The following TBC1D21 variants were observed in gnomAD, a reference collection of about 807,000 sequenced individuals.
The protein encoded by TBC1D21 is male germ cell Rab GTPase-activating protein.
TBC1D21 carries 38 observed loss-of-function variants against 46.0 expected under a neutral mutation model. That is an observed-to-expected ratio of 0.83 (90% CI 0.64 to 1.08). The LOEUF (loss-of-function observed/expected upper bound fraction) is 1.08. Ranked by LOEUF, TBC1D21 falls within the 50% of genes least tolerant of loss-of-function variation. The pLI is 0.00. For missense variants in TBC1D21, 415 were observed against 417.9 expected (o/e 0.99, Z 0.06); for synonymous variants, 151 against 157.2 (o/e 0.96, Z 0.29).
chr15:73,879,244 G>A (rs2068112385), intron 1 of TBC1D21, among the ~76,000 whole-genome samples: 1 of 152,144 alleles, frequency 6.6e-6, no homozygotes, highest in African/African-American at 2.4e-5. Context: ...GCCTTGCTCT[G>A]TCACCCAGGC....
At chr15:73,904,256 G>A in the TBC1D21 span, among the ~76,000 whole-genome samples, 2 of 152,076 alleles carry the variant, frequency 1.3e-5, no homozygotes, top group African/African-American at 4.8e-5. Flanking sequence ...GCCCAAAGTC[G>A]AGCTCTATAA....
At chr15:73,887,770 C>A (rs2068277199) in intron 9 of TBC1D21, 34 bp downstream of exon 9, 2 of 1,577,942 alleles carry the variant, frequency 1.3e-6, no homozygotes, top group African/African-American at 1.3e-5. Flanking sequence ...ACCACCCCTG[C>A]TCCTGGAGGC....
At chr15:73,899,358 A>T in the TBC1D21 span, among the ~76,000 whole-genome samples, 1 of 152,194 alleles carries the variant, frequency 6.6e-6, no homozygotes, top group East Asian at 1.9e-4. Flanking sequence ...TCTAGAGGAC[A>T]GAAGAAGGTT....
rs1351716854 is a variant in TBC1D21, at chr15:73,883,548, C to T, written c.273-603C>T. Among the ~76,000 whole-genome samples, 8 of 152,190 alleles carry T rather than the reference C, an allele frequency of 5.3e-5. No individual in the cohort carries two copies. In the East Asian group the frequency reaches 1.5e-3, roughly 29 times the overall value. Reference sequence around the variant, plus strand: ...CTGCTTTCTGTGTGTTATAAGAACACATGTCATTGGATTTGGGGTCCACCT... The same window carrying T: ...CTGCTTTCTGTGTGTTATAAGAACATATGTCATTGGATTTGGGGTCCACCT... On this transcript the variant is annotated intron_variant, in intron 3 of 10. Transcript: ENST00000300504.
At position 73,884,877 on chromosome 15, in the gene TBC1D21, GCAA is replaced by G. The variant is rs760372542; in HGVS notation, c.467_469del (p.Asn156del). On this transcript the variant is annotated inframe_deletion, in exon 5 of 11. Coordinates refer to ENST00000300504, the MANE Select transcript of TBC1D21 (RefSeq NM_153356.3). Reference sequence around the variant, plus strand: ...AAGATCCTGCTCCTGAGTTACGTCTGCAACACGCAGGCAGGTGAGCCTCAGCCT... The same window carrying G: ...AAGATCCTGCTCCTGAGTTACGTCTGCACGCAGGCAGGTGAGCCTCAGCCT... 1.9e-6 allele frequency: 3 copies of G among 1,613,898 alleles called. No individual in the cohort carries two copies. The highest frequency in any genetic ancestry group is 2.5e-6 in the Non-Finnish European group (3 of 1,179,938).
chr15:73,874,826 A>G (rs184098896), intron 1 of TBC1D21, among the ~76,000 whole-genome samples: 1 of 152,276 alleles, frequency 6.6e-6, no homozygotes, highest in East Asian at 1.9e-4. Context: ...ACTGTTTTAA[A>G]CCATTTTCTT....
chr15:73,904,546 A>G, the TBC1D21 span, among the ~76,000 whole-genome samples: 2 of 152,172 alleles, frequency 1.3e-5, no homozygotes, highest in African/African-American at 2.4e-5. Context: ...CCCTCCCGCC[A>G]TGTGCCATAA....
chr15:73,881,497 C>T lies in TBC1D21; in HGVS notation c.159C>T (p.Ile53=), dbSNP rs1178291078. The T allele has an allele frequency of 3.7e-6, 6 of 1,614,096 alleles. No homozygotes were observed. Among genetic ancestry groups the T allele is most frequent in the South Asian group, 1.1e-5 (1 of 91,082 alleles). ...CACGGGACTTCATTTGTGTTAACATCCTGGAAAGGGTGGGTCCCCAAGCTA... is the reference window on the plus strand; with the variant it reads ...CACGGGACTTCATTTGTGTTAACATTCTGGAAAGGGTGGGTCCCCAAGCTA... ...AKSRDFICVN[I]LERGLHPFVR... Residue 53 remains isoleucine, a synonymous_variant, in exon 2 of 11, where the codon ATC becomes ATT. Transcript: ENST00000300504.
intron 3 of TBC1D21, among the ~76,000 whole-genome samples, chr15:73,882,111 GC>G (rs1398006955): frequency 6.6e-6 from 1 of 151,696 alleles, no homozygotes; most frequent in Non-Finnish European, 1.5e-5. Flanking sequence ...CCTCCTCCCT[GC>G]CCCCCATGGC....
At position 73,886,658 on chromosome 15, in the gene TBC1D21, G is replaced by C. The variant is rs376933253; in HGVS notation, c.777+46G>C. 24 of 1,564,078 alleles carry C rather than the reference G, an allele frequency of 1.5e-5. No homozygotes were observed. The African/African-American group carries it at 3.0e-4, about 19-fold the overall frequency. ...TCATCAGGCTGGGCTCCACCCATCAGGCAGAGTGGAAGCTGCAAGTCTTCC... is the reference window on the plus strand; with the variant it reads ...TCATCAGGCTGGGCTCCACCCATCACGCAGAGTGGAAGCTGCAAGTCTTCC... On this transcript the variant is annotated intron_variant, in intron 8 of 10. Transcript: ENST00000300504.
chr15:73,874,058 A>G (rs567749915), intron 1 of TBC1D21, among the ~76,000 whole-genome samples: 6 of 152,286 alleles, frequency 3.9e-5, no homozygotes, highest in East Asian at 3.9e-4. Flanking sequence ...ATAGATTTTC[A>G]TCGGTGCTTT....
rs539517539 is a variant in TBC1D21 at position 73,876,199 on chromosome 15, GTTTTTTTTTTT to G, written c.60+2466_60+2476del. 3.5e-4 allele frequency among the ~76,000 whole-genome samples: 10 copies of G among 28,310 alleles called. 1 individual carries two copies. The highest frequency in any genetic ancestry group is 7.5e-4 in the Non-Finnish European group (4 of 5,336). The allele number at this position is 28,310 out of a possible 152,430, so 18.6% of individuals were successfully genotyped here. ...GAAGAATCAGTGACTTTTTTTGTGG[GTTTTTTTTTTT>G]TTTTTTTTTTTTTTTTTTTTTTTTT... is the stretch of plus-strand genomic sequence containing the variant. On this transcript the variant is annotated intron_variant, in intron 1 of 10. Coordinates refer to ENST00000300504, the MANE Select transcript of TBC1D21 (RefSeq NM_153356.3).
chr15:73,909,947 C>T, the TBC1D21 span: 1 of 152,218 alleles, frequency 6.6e-6, no homozygotes, highest in African/African-American at 2.4e-5. Context: ...ATCCCCGCCC[C>T]TCTGCTGGCT....
At chr15:73,898,354 C>A in the TBC1D21 span, among the ~76,000 whole-genome samples, 1 of 152,224 alleles carries the variant, frequency 6.6e-6, no homozygotes, top group African/African-American at 2.4e-5. Context: ...GTTTCCTCAA[C>A]CTGATTCCTA....
In TBC1D21 at chr15:73,873,608, C is replaced by A; in HGVS notation, c.-102C>A. On this transcript the variant is annotated 5_prime_UTR_variant, in exon 1 of 11. Transcript: ENST00000300504. ...TTCAAGTGTGGGAGGTCAGGAGCAG[C>A]CAGTTCCTCCTGGGAATGCAACCCA... 7.6e-7 allele frequency: 1 copy of A among 1,322,682 alleles called. No homozygotes were observed. Among genetic ancestry groups the A allele is most frequent in the Non-Finnish European group, 1.1e-6 (1 of 945,998 alleles). 81.9% of individuals were successfully genotyped at this position (1,322,682 alleles called of 1,614,324 possible).
chr15:73,901,458 T>C, the TBC1D21 span, among the ~76,000 whole-genome samples: 2 of 152,238 alleles, frequency 1.3e-5, no homozygotes, highest in African/African-American at 4.8e-5. Flanking sequence ...GTGCACATCT[T>C]CATCAGAGTC....
Position 73,889,087 on chromosome 15 carries a change from G to C in TBC1D21, c.997G>C (p.Asp333His). ...TCCCTAGGTTCCTCAGACATTAAAGGATTTCTTCCTCTGAGGACACCAAAG... is the reference window on the plus strand; with the variant it reads ...TCCCTAGGTTCCTCAGACATTAAAGCATTTCTTCCTCTGAGGACACCAAAG... ...IQKDVPQTLK[D>H]FFL The change falls in exon 11 of 11, where the codon GAT (aspartate) becomes CAT (histidine). Residue 333 changes from aspartate to histidine, a missense_variant. Physicochemically the swap from Asp to His is moderately conservative, Grantham distance 81. Coordinates refer to ENST00000300504, the MANE Select transcript of TBC1D21 (RefSeq NM_153356.3). 6.2e-7 allele frequency: 1 copy of C among 1,613,318 alleles called. No individual in the cohort carries two copies. The highest frequency in any genetic ancestry group is 8.5e-7 in the Non-Finnish European group (1 of 1,179,730).
downstream of TBC1D21, among the ~76,000 whole-genome samples, chr15:73,891,687 G>A (rs1025708538): frequency 6.6e-6 from 1 of 152,228 alleles, no homozygotes; most frequent in Non-Finnish European, 1.5e-5. Flanking sequence ...CTCTGATTTC[G>A]GAGCAAAGCT....
At chr15:73,891,769 C>T (rs1178684814), downstream of TBC1D21, among the ~76,000 whole-genome samples, 1 of 152,240 alleles carries the variant, frequency 6.6e-6, no homozygotes, top group African/African-American at 2.4e-5. Context: ...ACACACCAGC[C>T]CCATGCCTTC....
Sources: allele counts gnomAD v4.1 joint callset (sites outside exome capture counted in the v4.1 genomes callset), GRCh38; gene constraint gnomAD v4.1.1; transcripts MANE v1.5; gene names NCBI Gene and HGNC (gene_info 2026-07-23, HGNC 2026-07-21).